The following ATXN10 variants were observed in gnomAD, a reference collection of about 807,000 sequenced individuals.
ATXN10 encodes ataxin-10.
ATXN10 carries 28 observed loss-of-function variants against 52.9 expected under a neutral mutation model. The ratio of observed to expected loss-of-function variants is 0.53; its 90% CI spans 0.39 to 0.73. ATXN10 has a LOEUF of 0.73. Among genes scored for constraint, ATXN10 ranks in the 30% least tolerant of loss-of-function variants. ATXN10 has a pLI of 0.00. For synonymous variants in ATXN10, 226 were observed against 221.5 expected (o/e 1.02, Z -0.18); for missense variants, 565 against 577.0 (o/e 0.98, Z 0.21).
intron 10 of ATXN10, chr22:45,811,831 T>G (rs913975275): frequency 6.6e-5 from 31 of 467,472 alleles, no homozygotes; most frequent in Non-Finnish European, 1.3e-4. Flanking sequence ...TGTCATGATC[T>G]TTGAAAACCA....
intron 9 of ATXN10, among the ~76,000 whole-genome samples, chr22:45,767,649 A>C (rs971201241): frequency 3.3e-5 from 5 of 152,170 alleles, no homozygotes; most frequent in Non-Finnish European, 7.4e-5. Flanking sequence ...AAAAATTAAA[A>C]AGGAAATACA....
At chr22:45,709,004 G>A (rs1924144238) in intron 5 of ATXN10, among the ~76,000 whole-genome samples, 1 of 152,192 alleles carries the variant, frequency 6.6e-6, no homozygotes. Flanking sequence ...ATAACTGGGA[G>A]CAAAGCATTC....
rs1736897424 is a variant in ATXN10 at position 45,783,893 on chromosome 22, C to T, written c.1174-23066C>T. 3.3e-5 allele frequency among the ~76,000 whole-genome samples: 5 copies of T among 152,206 alleles called. No homozygotes were observed. Among genetic ancestry groups the T allele is most frequent in the Admixed American group, 3.3e-4 (5 of 15,288 alleles). On this transcript the variant is annotated intron_variant, in intron 9 of 11. Transcript: ENST00000252934. This position sits in a 1 kb window ranked among gnomAD's most constrained non-coding sequence, Gnocchi z 5.0. ...GGGCACCGAGGAAATGGTCAGACTTCTTTCCTGTAGGTCAAGGCTGGTGAG... is the reference window on the plus strand; with the variant it reads ...GGGCACCGAGGAAATGGTCAGACTTTTTTCCTGTAGGTCAAGGCTGGTGAG...
intron 9 of ATXN10, among the ~76,000 whole-genome samples, chr22:45,742,787 G>C (rs560378585): frequency 6.6e-6 from 1 of 152,296 alleles, no homozygotes; most frequent in African/African-American, 2.4e-5. Flanking sequence ...GTATATGGGC[G>C]CACCATTTTG....
chr22:45,726,346 C>T (rs1014983080), intron 6 of ATXN10, among the ~76,000 whole-genome samples: 1 of 152,144 alleles, frequency 6.6e-6, no homozygotes, highest in African/African-American at 2.4e-5. Context: ...CTGGTTGTTA[C>T]TGGTCTGTTC....
chr22:45,814,642 A>G (rs181339868), intron 10 of ATXN10, among the ~76,000 whole-genome samples: 3 of 152,344 alleles, frequency 2.0e-5, no homozygotes, highest in Admixed American at 2.0e-4. Context: ...ATGCAGATAC[A>G]TGTTTATTAG....
chr22:45,827,439 A>C (rs1422542440), intron 10 of ATXN10, among the ~76,000 whole-genome samples: 1 of 152,180 alleles, frequency 6.6e-6, no homozygotes, highest in Non-Finnish European at 1.5e-5. Flanking sequence ...CAAAGACACA[A>C]ATAGGTTGAA....
chr22:45,772,191 A>G lies in ATXN10; in HGVS notation c.1173+31653A>G, dbSNP rs907735409. On this transcript the variant is annotated intron_variant, in intron 9 of 11. Coordinates refer to ENST00000252934, the MANE Select transcript of ATXN10 (RefSeq NM_013236.4). The surrounding 1 kb of genome is among the most constrained non-coding windows in gnomAD (Gnocchi z 4.1). Reference sequence around the variant, plus strand: ...ATTTTCTCATAGTTTTTCTTCCTAAAATTTTGTAGTTTTATGTTTTGTGTT... The same window carrying G: ...ATTTTCTCATAGTTTTTCTTCCTAAGATTTTGTAGTTTTATGTTTTGTGTT... Among the ~76,000 whole-genome samples, 1 of 151,918 alleles carries G rather than the reference A, an allele frequency of 6.6e-6. No homozygotes were observed. Among genetic ancestry groups the G allele is most frequent in the South Asian group, 2.1e-4 (1 of 4,820 alleles).
chr22:45,837,975 C>T lies in ATXN10; in HGVS notation c.1238-5016C>T, dbSNP rs1929223740. Among the ~76,000 whole-genome samples, 1 of 152,116 alleles carries T rather than the reference C, an allele frequency of 6.6e-6. No individual in the cohort carries two copies. On this transcript the variant is annotated intron_variant, in intron 10 of 11. Transcript: ENST00000252934. The surrounding 1 kb of genome is among the most constrained non-coding windows in gnomAD (Gnocchi z 5.8). ...GTGACCAGAACAGAGTTCCTGTCGC[C>T]CTGGAGTCTACATTTAATGATGTAG...
chr22:45,731,324 G>C (rs1925081542), intron 7 of ATXN10, among the ~76,000 whole-genome samples: 1 of 152,160 alleles, frequency 6.6e-6, no homozygotes, highest in African/African-American at 2.4e-5. Context: ...GATGTCACCT[G>C]GGTCTGGAAA....
In ATXN10 at chr22:45,790,265, C is replaced by G. The variant is rs1331519898; in HGVS notation, c.1174-16694C>G. 1.3e-5 allele frequency among the ~76,000 whole-genome samples: 2 copies of G among 152,178 alleles called. No individual in the cohort carries two copies. Among genetic ancestry groups the G allele is most frequent in the African/African-American group, 4.8e-5 (2 of 41,444 alleles). On this transcript the variant is annotated intron_variant, in intron 9 of 11. Transcript: ENST00000252934. The surrounding 1 kb of genome is among the most constrained non-coding windows in gnomAD (Gnocchi z 4.7). ...GTAACAGCTGCAGTCTGGACTGTCT[C>G]TTGCCGGAATGTGTGTGGTTCTTTC...
At chr22:45,731,896 A>G (rs1925103232) in intron 7 of ATXN10, among the ~76,000 whole-genome samples, 2 of 152,154 alleles carry the variant, frequency 1.3e-5, no homozygotes, top group Admixed American at 1.3e-4. Flanking sequence ...GCTTGCGTTT[A>G]CTTTCTGGAG....
At chr22:45,751,695 A>G (rs893891727) in intron 9 of ATXN10, among the ~76,000 whole-genome samples, 12 of 149,596 alleles carry the variant, frequency 8.0e-5, no homozygotes, top group South Asian at 2.1e-4. Context: ...AAATGAGAAA[A>G]GTGCTCTTAT....
chr22:45,720,668 T>C (rs1924616814), intron 6 of ATXN10, among the ~76,000 whole-genome samples: 1 of 152,142 alleles, frequency 6.6e-6, no homozygotes, highest in Non-Finnish European at 1.5e-5. Flanking sequence ...ATGGCTACTA[T>C]CAACAAACTG....
chr22:45,746,288 G>A (rs1925722589), intron 9 of ATXN10, among the ~76,000 whole-genome samples: 1 of 149,680 alleles, frequency 6.7e-6, no homozygotes, highest in South Asian at 2.1e-4. Context: ...GTTGCAAGGA[G>A]CCAAGAACAG....
At chr22:45,753,229 T>C (rs1042718990) in intron 9 of ATXN10, among the ~76,000 whole-genome samples, 1 of 151,462 alleles carries the variant, frequency 6.6e-6, no homozygotes, top group Non-Finnish European at 1.5e-5. Context: ...ATTTTTTTTT[T>C]CTGTCTTTTA....
intron 5 of ATXN10, among the ~76,000 whole-genome samples, chr22:45,717,221 A>G (rs1952591484): frequency 6.6e-6 from 1 of 151,974 alleles, no homozygotes; most frequent in African/African-American, 2.4e-5. Context: ...TGTTTCTATT[A>G]TATAATCCTT....
At chr22:45,792,656 G>A in intron 9 of ATXN10, 1 of 260,206 alleles carries the variant, frequency 3.8e-6, no homozygotes. Context: ...GTTCCCTAAA[G>A]TCCCTGAGAA....
rs1181050268 is a variant in ATXN10, at chr22:45,824,574, G to C, written c.1237+17552G>C. On this transcript the variant is annotated intron_variant, in intron 10 of 11. Transcript: ENST00000252934. This position sits in a 1 kb window ranked among gnomAD's most constrained non-coding sequence, Gnocchi z 5.2. ...TAAAGGGAAAATGAGGAAACTCTAA[G>C]AATCGTGTCATATTTAATGAAATCT... Among the ~76,000 whole-genome samples the C allele has an allele frequency of 2.0e-5, 3 of 152,178 alleles. No homozygotes were observed. The highest frequency in any genetic ancestry group is 2.0e-4 in the Admixed American group (3 of 15,286).
Sources: allele counts gnomAD v4.1 joint callset (sites outside exome capture counted in the v4.1 genomes callset), GRCh38; gene constraint gnomAD v4.1.1; non-coding constraint Gnocchi (gnomAD v3.1); transcripts MANE v1.5; gene names NCBI Gene and HGNC (gene_info 2026-07-23, HGNC 2026-07-21).